SORT1: variants seen among roughly 807,000 people sequenced by gnomAD.
The protein encoded by SORT1 is sortilin 1.
In SORT1, 39 loss-of-function variants were observed where a neutral mutation model predicts 101.7. The ratio of observed to expected loss-of-function variants is 0.38; its 90% confidence interval spans 0.30 to 0.50. The LOEUF (loss-of-function observed/expected upper bound fraction) is 0.50, where lower values mean the gene tolerates loss of function less well. SORT1 is among the 20% of genes least tolerant of loss of function. The pLI, the probability that SORT1 is intolerant of heterozygous loss-of-function variation, is 0.90. For synonymous variants in SORT1, 396 were observed against 393.7 expected (o/e 1.01, Z -0.07); for missense variants, 878 against 1,040.4 (o/e 0.84, Z 2.15).
Position 109,366,251 on chromosome 1 carries a change from CAT to C in SORT1, c.440+1155_440+1156del, listed in dbSNP as rs549200281. Among the ~76,000 whole-genome samples the C allele has an allele frequency of 1.8e-3, 271 of 152,316 alleles. 2 individuals carry two copies. The highest frequency in any genetic ancestry group is 5.7e-3 in the African/African-American group (238 of 41,556). On this transcript the variant is annotated intron_variant, in intron 3 of 19. Coordinates refer to ENST00000256637, the MANE Select transcript of SORT1 (RefSeq NM_002959.7). ...CAGTATAGGTTGTGGTTCCAGAACA[CAT>C]GTTACCACCATCATCGCCAGTGTGA...
At chr1:109,318,353 T>C (rs948345021) in intron 15 of SORT1, among the ~76,000 whole-genome samples, 2 of 152,172 alleles carry the variant, frequency 1.3e-5, no homozygotes, top group African/African-American at 2.4e-5. Context: ...CGTTTCACCA[T>C]GTTGGTCAGG....
intron 1 of SORT1, among the ~76,000 whole-genome samples, chr1:109,378,043 C>A (rs552420236): frequency 4.6e-5 from 7 of 152,088 alleles, no homozygotes; most frequent in African/African-American, 1.7e-4. Flanking sequence ...CCAGCCTGGG[C>A]AATATAGTGA....
intron 10 of SORT1, among the ~76,000 whole-genome samples, chr1:109,337,667 ACC>A (rs1459444407): frequency 1.4e-5 from 2 of 145,366 alleles, no homozygotes; most frequent in African/African-American, 5.1e-5. Flanking sequence ...TTGTTCTATC[ACC>A]CAGGCTGGAG....
chr1:109,367,790 C>A (rs1375656511), intron 2 of SORT1, among the ~76,000 whole-genome samples: 1 of 152,234 alleles, frequency 6.6e-6, no homozygotes, highest in Non-Finnish European at 1.5e-5. Context: ...CAAGAACCCT[C>A]TTCCCTTTTC....
chr1:109,372,725 C>T (rs1651560261), intron 1 of SORT1, among the ~76,000 whole-genome samples: 1 of 151,916 alleles, frequency 6.6e-6, no homozygotes, highest in African/African-American at 2.4e-5. Flanking sequence ...GACTGAAACC[C>T]CGTCTCTACT....
chr1:109,325,229 AAC>A, intron 13 of SORT1, 140 bp from the exon 14 acceptor site: 3 of 394,728 alleles, frequency 7.6e-6, no homozygotes, highest in Non-Finnish European at 8.7e-6. Context: ...CAATTATTTT[AAC>A]TTTTTTTTTT....
chr1:109,355,641 A>ACCC (rs529686433), intron 3 of SORT1, among the ~76,000 whole-genome samples, 172 bp from the exon 4 acceptor site: 1,747 of 83,778 alleles, frequency 0.021, 2 homozygotes, highest in Non-Finnish European at 0.026. Context: ...AGAACATTCC[A>ACCC]CCCGCCCCCC....
rs1658855127 is a variant in SORT1, at chr1:109,313,682, G to C, written c.*361C>G. On this transcript the variant is annotated 3_prime_UTR_variant, in exon 20 of 20. Transcript: ENST00000256637. ...GGAGTTGGCAGATGCCCTGGGGCAG[G>C]CGCCATGCAGAACACACAGAAGTGG... is the stretch of plus-strand genomic sequence containing the variant. 14 of 288,096 alleles carry C rather than the reference G, an allele frequency of 4.9e-5. No individual in the cohort carries two copies. The South Asian group carries it at 6.2e-4, about 13-fold the overall frequency. 17.8% of individuals were successfully genotyped at this position (288,096 alleles called of 1,614,324 possible). A position where few individuals can be genotyped will look rare whatever the true frequency, so the allele number is the denominator to read the frequency against.
At chr1:109,323,513 G>C (rs1647779555) in intron 14 of SORT1, among the ~76,000 whole-genome samples, 1 of 152,200 alleles carries the variant, frequency 6.6e-6, no homozygotes, top group African/African-American at 2.4e-5. Flanking sequence ...CAGGACCAGG[G>C]AGCTCTTTGT....
intron 16 of SORT1, 89 bp from the exon 17 acceptor site, chr1:109,317,047 C>T (rs1647266987): frequency 1.2e-6 from 1 of 838,666 alleles, no homozygotes; most frequent in African/African-American, 1.7e-5. Flanking sequence ...TGAAAAGCTG[C>T]CGAAAAGCTT....
intron 1 of SORT1, among the ~76,000 whole-genome samples, chr1:109,391,964 G>GT (rs1305865733): frequency 6.6e-6 from 1 of 152,242 alleles, no homozygotes; most frequent in Non-Finnish European, 1.5e-5. Context: ...TACAAATGCA[G>GT]TATCTAGTTC....
chr1:109,327,518 T>C lies in SORT1; in HGVS notation c.1455A>G (p.Val485=). ...PMAPLSEPNA[V]GIVIAHGSVG... is the part of the protein sequence containing the mutation. ...CCTTACCATGAGCAATGACAATGCCTACGGCATTCGGCTCTGAGAGTGGGG... is the reference window on the plus strand; with the variant it reads ...CCTTACCATGAGCAATGACAATGCCCACGGCATTCGGCTCTGAGAGTGGGG... The change falls in exon 12 of 20, where the codon GTA becomes GTG. Residue 485 remains valine, a synonymous_variant. Coordinates refer to ENST00000256637, the MANE Select transcript of SORT1 (RefSeq NM_002959.7). 6.2e-7 allele frequency: 1 copy of C among 1,604,766 alleles called. No individual in the cohort carries two copies. The highest frequency in any genetic ancestry group is 8.5e-7 in the Non-Finnish European group (1 of 1,173,536).
intron 1 of SORT1, among the ~76,000 whole-genome samples, chr1:109,381,793 G>A (rs1315116535): frequency 2.6e-5 from 4 of 152,068 alleles, no homozygotes; most frequent in Non-Finnish European, 4.4e-5. Flanking sequence ...GAGCCCAGGA[G>A]GTCAAGGCTA....
intron 13 of SORT1, among the ~76,000 whole-genome samples, chr1:109,326,650 C>G (rs1648097661): frequency 6.9e-6 from 1 of 144,196 alleles, no homozygotes; most frequent in Non-Finnish European, 1.5e-5. Flanking sequence ...GGGACAAGGT[C>G]TCCCTATGTT....
chr1:109,309,731 G>C lies in SORT1; in HGVS notation c.*4312C>G, dbSNP rs1658605699. The C allele has an allele frequency of 6.6e-6, 1 of 152,162 alleles. No individual in the cohort carries two copies. The highest frequency in any genetic ancestry group is 1.5e-5 in the Non-Finnish European group (1 of 68,022). 9.4% of individuals were successfully genotyped at this position (152,162 alleles called of 1,614,324 possible). ...TTTGTGGAATTTTATCATGGGGTCT[G>C]GCTTTAATGTGTAACTGACGTGGGT... On this transcript the variant is annotated 3_prime_UTR_variant, in exon 20 of 20. Coordinates refer to ENST00000256637, the MANE Select transcript of SORT1 (RefSeq NM_002959.7).
At chr1:109,345,289 G>A (rs970921492) in intron 8 of SORT1, among the ~76,000 whole-genome samples, 2 of 151,938 alleles carry the variant, frequency 1.3e-5, no homozygotes, top group African/African-American at 2.4e-5. Flanking sequence ...CTGAGGCGGG[G>A]GGATCACCTG....
At chr1:109,332,037 C>CAA (rs36009375) in intron 11 of SORT1, among the ~76,000 whole-genome samples, 1 of 132,714 alleles carries the variant, frequency 7.5e-6, no homozygotes, top group Admixed American at 7.3e-5. Context: ...TTGAAGATGA[C>CAA]AAAAAAAAAA....
chr1:109,335,553 A>G (rs1648754241), intron 11 of SORT1, among the ~76,000 whole-genome samples: 3 of 152,178 alleles, frequency 2.0e-5, no homozygotes, highest in Admixed American at 6.5e-5. Context: ...AGTGATACAG[A>G]TACTAAGGAG....
At chr1:109,379,774 T>C (rs1054522347) in intron 1 of SORT1, among the ~76,000 whole-genome samples, 2 of 152,046 alleles carry the variant, frequency 1.3e-5, no homozygotes, top group African/African-American at 4.8e-5. Flanking sequence ...GACTAATCAA[T>C]AGAGCAAAAC....
Sources: gnomAD v4.1 joint callset for allele counts (sites outside exome capture counted in the v4.1 genomes callset) on GRCh38, gnomAD v4.1.1 for gene constraint, MANE v1.5 for transcripts, NCBI Gene and HGNC (gene_info 2026-07-23, HGNC 2026-07-21) for gene names.